The following HYDIN variants were observed in gnomAD, a reference collection of about 807,000 sequenced individuals.
HYDIN encodes the protein axonemal central pair apparatus protein HYDIN.
In HYDIN, 132 loss-of-function variants were observed where a neutral mutation model predicts 403.9. The observed-to-expected ratio is 0.33, with a 90% CI of 0.28 to 0.38. HYDIN has a LOEUF of 0.38. Among genes scored for constraint, HYDIN ranks in the 10% least tolerant of loss-of-function variants. The pLI is 1.00. For missense variants in HYDIN, 2,827 were observed against 5,009.5 expected, an observed-to-expected ratio of 0.56 and a Z score of 13.15; for synonymous variants, 1,202 against 1,891.7, an observed-to-expected ratio of 0.64 and a Z score of 9.46.
intron 4 of HYDIN, among the ~76,000 whole-genome samples, chr16:71,176,962 T>G (rs1266452945): frequency 3.3e-5 from 5 of 152,112 alleles, no homozygotes; most frequent in Admixed American, 6.5e-5. Context: ...TATGAAACTG[T>G]GAACTAAAGA....
chr16:71,020,814 A>G (rs1343538170), intron 21 of HYDIN, among the ~76,000 whole-genome samples: 1 of 122,022 alleles, frequency 8.2e-6, no homozygotes, highest in East Asian at 2.0e-4. Context: ...GTCTCAAGGA[A>G]AAAAAAAAAG....
intron 62 of HYDIN, among the ~76,000 whole-genome samples, chr16:70,879,003 A>G (rs2040615827): frequency 6.6e-6 from 1 of 150,794 alleles, no homozygotes; most frequent in East Asian, 1.9e-4. Context: ...AAACAATTAA[A>G]AAAACAAAGA....
intron 1 of HYDIN, among the ~76,000 whole-genome samples, chr16:71,215,497 TC>T (rs2088831235): frequency 6.6e-6 from 1 of 151,848 alleles, no homozygotes; most frequent in South Asian, 2.1e-4. Context: ...TGGGGTGAAA[TC>T]TTGATGGGGA....
rs781373846 is a variant in HYDIN, at chr16:71,175,637, G to C, written c.486C>G (p.Phe162Leu). The C allele has an allele frequency of 1.2e-6, 2 of 1,614,154 alleles. No individual in the cohort carries two copies. Among genetic ancestry groups the C allele is most frequent in the South Asian group, 2.2e-5 (2 of 91,082 alleles). Residue 162 changes from phenylalanine (F) to leucine (L), a missense_variant, in exon 5 of 86, where the codon TTC (phenylalanine) becomes TTG (leucine). Phe to Leu is a conservative substitution (Grantham distance 22). Transcript: ENST00000393567. ...HKVAPGVPSI[F>L]RILFTPEENK... The stretch of plus-strand genomic sequence containing the variant: ...TCTCCTCTGGAGTAAAGAGGATTCG[G>C]AATATGGAAGGCACTCCAGGAGCCA...
At position 70,845,860 on chromosome 16, in the gene HYDIN, T is replaced by C. The variant is rs1188593295; in HGVS notation, c.12873+3866A>G. On this transcript the variant is annotated intron_variant, in intron 75 of 85. Coordinates refer to ENST00000393567, the MANE Select transcript of HYDIN (RefSeq NM_001270974.2). The stretch of plus-strand genomic sequence containing the variant: ...GTTTGTAGTATTCTCTGATGGTAGT[T>C]TGTATTTCTGTGGGATCGGTGGTGA... Among the ~76,000 whole-genome samples, 5 of 140,206 alleles carry C rather than the reference T, an allele frequency of 3.6e-5. No homozygotes were observed. In the East Asian group the frequency reaches 1.0e-3, roughly 28 times the overall value. 92.0% of individuals were successfully genotyped at this position (140,206 alleles called of 152,430 possible). A position where few individuals can be genotyped will look rare whatever the true frequency, so the allele number is the denominator to read the frequency against.
chr16:71,019,369 T>C (rs1220286948), intron 22 of HYDIN, among the ~76,000 whole-genome samples: 1 of 152,288 alleles, frequency 6.6e-6, no homozygotes, highest in Non-Finnish European at 1.5e-5. Flanking sequence ...TAACTGTGCA[T>C]TTAATGACAT....
At chr16:71,180,174 TAGAA>T (rs1435955378) in intron 3 of HYDIN, among the ~76,000 whole-genome samples, 1 of 151,114 alleles carries the variant, frequency 6.6e-6, no homozygotes, top group Non-Finnish European at 1.5e-5. Context: ...AAAGAACAAA[TAGAA>T]AGAATGGAAA....
At chr16:70,994,683 A>T (rs888970043) in intron 23 of HYDIN, among the ~76,000 whole-genome samples, 1 of 149,058 alleles carries the variant, frequency 6.7e-6, no homozygotes, top group African/African-American at 2.6e-5. Flanking sequence ...GGCAATTCTA[A>T]TGGGCAGCCA....
chr16:70,971,318 A>C (rs1350142979), intron 35 of HYDIN, among the ~76,000 whole-genome samples: 1 of 152,292 alleles, frequency 6.6e-6, no homozygotes, highest in East Asian at 1.9e-4. Context: ...AGAATGCCAG[A>C]GCTGGGGCAT....
intron 1 of HYDIN, among the ~76,000 whole-genome samples, chr16:71,206,799 C>T (rs1007653878): frequency 1.3e-5 from 2 of 152,120 alleles, no homozygotes; most frequent in Non-Finnish European, 2.9e-5. Flanking sequence ...TTAACAGCAA[C>T]ACAGACTAGG....
intron 1 of HYDIN, among the ~76,000 whole-genome samples, chr16:71,194,213 C>A (rs905997936): frequency 4.6e-5 from 7 of 152,106 alleles, no homozygotes; most frequent in African/African-American, 7.2e-5. Flanking sequence ...GAGATCGAGA[C>A]CATTGTGGCA....
intron 41 of HYDIN, among the ~76,000 whole-genome samples, chr16:70,945,825 T>C (rs1012154768): frequency 6.6e-6 from 1 of 152,074 alleles, no homozygotes; most frequent in African/African-American, 2.4e-5. Flanking sequence ...GCCAAGGACC[T>C]TGAGAAGAAA....
chr16:71,179,681 C>T (rs1313599615), intron 3 of HYDIN, among the ~76,000 whole-genome samples: 2 of 152,248 alleles, frequency 1.3e-5, no homozygotes, highest in African/African-American at 4.8e-5. Context: ...TTGGACCCCT[C>T]ATTTCCTGTT....
intron 75 of HYDIN, among the ~76,000 whole-genome samples, chr16:70,842,524 A>T (rs927880889): frequency 6.6e-6 from 1 of 152,126 alleles, no homozygotes; most frequent in Non-Finnish European, 1.5e-5. Flanking sequence ...ATTTTGTTTG[A>T]CATTAGCATA....
intron 24 of HYDIN, among the ~76,000 whole-genome samples, chr16:70,991,626 G>C (rs1477694189): frequency 6.6e-6 from 1 of 151,224 alleles, no homozygotes; most frequent in Admixed American, 6.6e-5. Context: ...TTTTCACGGG[G>C]CTCAACCCTT....
At chr16:70,831,577 G>A (rs1427281684) in intron 80 of HYDIN, among the ~76,000 whole-genome samples, 12 of 139,792 alleles carry the variant, frequency 8.6e-5, no homozygotes, top group African/African-American at 3.3e-4. Flanking sequence ...AGGAGAAGCC[G>A]GTGAGTAGGA....
At chr16:70,944,636 G>A (rs952948985) in intron 41 of HYDIN, among the ~76,000 whole-genome samples, 5 of 152,190 alleles carry the variant, frequency 3.3e-5, no homozygotes, top group Non-Finnish European at 5.9e-5. Context: ...ACACCACACC[G>A]CCAGGACCAG....
At chr16:71,051,643 C>A (rs1484079692) in intron 18 of HYDIN, among the ~76,000 whole-genome samples, 1 of 81,506 alleles carries the variant, frequency 1.2e-5, no homozygotes, top group Non-Finnish European at 2.4e-5. Context: ...GAGACTCTGT[C>A]TCAAAAAAAA....
rs1266375157 is a variant in HYDIN, at chr16:71,069,364, G to C, written c.1877C>G (p.Ser626Cys). 2.5e-6 allele frequency: 4 copies of C among 1,614,210 alleles called. No homozygotes were observed. Among genetic ancestry groups the C allele is most frequent in the Admixed American group, 3.3e-5 (2 of 60,034 alleles). ...TGAGGATATTTCTTCCTTGGTCCAA[G>C]ATGGTCTTTTGTAGTCCACATGCTG... ...CEQHVDYKRP[S>C]WTKEEISSMK... The change falls in exon 14 of 86, where the codon TCT becomes TGT. Residue 626 changes from serine to cysteine, a missense_variant. Coordinates refer to ENST00000393567, the MANE Select transcript of HYDIN (RefSeq NM_001270974.2).
Sources: allele counts gnomAD v4.1 joint callset (sites outside exome capture counted in the v4.1 genomes callset), GRCh38; gene constraint gnomAD v4.1.1; transcripts MANE v1.5; gene names NCBI Gene and HGNC (gene_info 2026-07-23, HGNC 2026-07-21).